The following CSGALNACT1 variants were observed in gnomAD, a reference collection of about 807,000 sequenced individuals.
The protein encoded by CSGALNACT1 is chondroitin sulfate N-acetylgalactosaminyltransferase 1.
A neutral mutation model predicts 51.0 loss-of-function variants in CSGALNACT1; 52 were observed. That is an observed-to-expected ratio of 1.02 (90% CI 0.82 to 1.29). The LOEUF is 1.29. CSGALNACT1 is among the 50% of genes most tolerant of loss of function. CSGALNACT1 has a pLI of 0.00. For missense variants in CSGALNACT1, 935 were observed against 679.2 expected, an observed-to-expected ratio of 1.38 and a Z score of -4.19; for synonymous variants, 341 against 254.4, an observed-to-expected ratio of 1.34 and a Z score of -3.24.
At chr8:19,595,321 C>G (rs994033397) in intron 2 of CSGALNACT1, among the ~76,000 whole-genome samples, 4 of 152,154 alleles carry the variant, frequency 2.6e-5, no homozygotes, top group African/African-American at 9.7e-5. Flanking sequence ...ATGACTGAGA[C>G]TTTCACCAGA....
At chr8:19,648,947 T>A (rs1486275130) in intron 1 of CSGALNACT1, among the ~76,000 whole-genome samples, 1 of 152,214 alleles carries the variant, frequency 6.6e-6, no homozygotes, top group Non-Finnish European at 1.5e-5. Context: ...CTCTACAGTG[T>A]TGAAGATCTC....
chr8:19,660,008 G>A (rs1453411611), intron 1 of CSGALNACT1, among the ~76,000 whole-genome samples: 1 of 152,188 alleles, frequency 6.6e-6, no homozygotes, highest in African/African-American at 2.4e-5. Context: ...AGAAGTACAA[G>A]GTAGTACTAT....
chr8:19,466,573 G>T lies in CSGALNACT1; in HGVS notation c.635-7931C>A, dbSNP rs1038285963. 5.9e-5 allele frequency among the ~76,000 whole-genome samples: 9 copies of T among 152,194 alleles called. No homozygotes were observed. In the East Asian group the frequency reaches 1.5e-3, roughly 26 times the overall value. The stretch of plus-strand genomic sequence containing the variant: ...GAAAATTCTGCTCAGATGGCATATC[G>T]CATTCCCAGATCACATGAGATAAAT... On this transcript the variant is annotated intron_variant, in intron 4 of 9. Transcript: ENST00000454498.
At chr8:19,662,388 A>T (rs1201443778) in intron 1 of CSGALNACT1, among the ~76,000 whole-genome samples, 1 of 152,180 alleles carries the variant, frequency 6.6e-6, no homozygotes, top group African/African-American at 2.4e-5. Flanking sequence ...CCTCTAAAAA[A>T]GAAAGAAAAA....
At position 19,410,554 on chromosome 8, in the gene CSGALNACT1, G is replaced by A. The variant is rs187300636; in HGVS notation, c.1228-1860C>T. 1.7e-3 allele frequency among the ~76,000 whole-genome samples: 266 copies of A among 152,196 alleles called. 1 individual carries two copies. The highest frequency in any genetic ancestry group is 5.0e-4 in the Non-Finnish European group (34 of 68,002). ...CATGGAATTTAAAAAGGAACGCTCC[G>A]AACAGGAAAAACAATTGGCCAAGCC... On this transcript the variant is annotated intron_variant, in intron 8 of 9. Coordinates refer to ENST00000454498, the Ensembl canonical transcript of CSGALNACT1.
At chr8:19,653,738 C>T (rs1564356190) in intron 1 of CSGALNACT1, among the ~76,000 whole-genome samples, 2 of 151,636 alleles carry the variant, frequency 1.3e-5, no homozygotes, top group Non-Finnish European at 1.5e-5. Flanking sequence ...AGGCTACAAT[C>T]GGTGAACCGT....
intron 3 of CSGALNACT1, among the ~76,000 whole-genome samples, chr8:19,550,359 C>T (rs2087685286): frequency 6.6e-6 from 1 of 152,100 alleles, no homozygotes; most frequent in African/African-American, 2.4e-5. Flanking sequence ...CCATGTTTTC[C>T]ATCTCTGTGC....
At chr8:19,413,881 G>A (rs552582985) in intron 8 of CSGALNACT1, among the ~76,000 whole-genome samples, 1 of 152,300 alleles carries the variant, frequency 6.6e-6, no homozygotes, top group African/African-American at 2.4e-5. Flanking sequence ...AGGCTGGCTT[G>A]GGTGACTATG....
chr8:19,550,115 T>C (rs554906211), intron 3 of CSGALNACT1, among the ~76,000 whole-genome samples: 1 of 152,330 alleles, frequency 6.6e-6, no homozygotes, highest in South Asian at 2.1e-4. Context: ...TTGTCTCTTC[T>C]GCATTTTCTT....
intron 1 of CSGALNACT1, among the ~76,000 whole-genome samples, chr8:19,644,885 C>T (rs1201291671): frequency 1.3e-5 from 2 of 152,022 alleles, no homozygotes; most frequent in Non-Finnish European, 1.5e-5. Context: ...TGAGGCATAT[C>T]CTATATCCAT....
At chr8:19,671,270 T>C (rs915558418) in intron 1 of CSGALNACT1, among the ~76,000 whole-genome samples, 1 of 152,194 alleles carries the variant, frequency 6.6e-6, no homozygotes, top group Non-Finnish European at 1.5e-5. Flanking sequence ...GACAATATTC[T>C]CTGCCTGCAA....
intron 4 of CSGALNACT1, among the ~76,000 whole-genome samples, chr8:19,485,975 A>C (rs750282999): frequency 6.6e-6 from 1 of 151,618 alleles, no homozygotes; most frequent in Non-Finnish European, 1.5e-5. Flanking sequence ...CATGTTGATC[A>C]TGCTGGTCTC....
chr8:19,448,491 G>T (rs572037767), intron 5 of CSGALNACT1, among the ~76,000 whole-genome samples: 1 of 152,096 alleles, frequency 6.6e-6, no homozygotes, highest in Non-Finnish European at 1.5e-5. Context: ...TAGTTTTTTG[G>T]AAGAAACAGA....
intron 3 of CSGALNACT1, among the ~76,000 whole-genome samples, chr8:19,560,341 C>G (rs1382313860): frequency 6.6e-6 from 1 of 152,132 alleles, no homozygotes; most frequent in Non-Finnish European, 1.5e-5. Flanking sequence ...GAAAGGACTT[C>G]TTTAAAAAGG....
At position 19,487,282 on chromosome 8, in the gene CSGALNACT1, A is replaced by G. The variant is rs546415533; in HGVS notation, c.634+17919T>C. The stretch of plus-strand genomic sequence containing the variant: ...TTTCACTCCCACCAACACCCAAATG[A>G]GAACATTTCACCTCCCAACAGCAGC... On this transcript the variant is annotated intron_variant, in intron 4 of 9. Transcript: ENST00000454498. Among the ~76,000 whole-genome samples the G allele has an allele frequency of 1.2e-4, 18 of 152,332 alleles. No individual in the cohort carries two copies. The East Asian group carries it at 3.5e-3, about 29-fold the overall frequency.
chr8:19,623,215 G>A (rs1167668950), intron 1 of CSGALNACT1, among the ~76,000 whole-genome samples: 2 of 152,136 alleles, frequency 1.3e-5, no homozygotes, highest in African/African-American at 2.4e-5. Flanking sequence ...GATTGATATA[G>A]CAATTCTAAA....
intron 1 of CSGALNACT1, among the ~76,000 whole-genome samples, chr8:19,619,076 T>G (rs1403459236): frequency 6.6e-6 from 1 of 151,792 alleles, no homozygotes; most frequent in African/African-American, 2.4e-5. Context: ...CTGCCATAAA[T>G]CAGAAGGCAG....
chr8:19,472,100 G>C (rs2068329540), intron 4 of CSGALNACT1, among the ~76,000 whole-genome samples: 1 of 152,202 alleles, frequency 6.6e-6, no homozygotes, highest in Non-Finnish European at 1.5e-5. Context: ...GGACTCAATG[G>C]AGTTTAAGAG....
intron 3 of CSGALNACT1, among the ~76,000 whole-genome samples, chr8:19,545,399 G>C (rs1242252571): frequency 1.3e-5 from 2 of 152,178 alleles, no homozygotes; most frequent in Non-Finnish European, 2.9e-5. Context: ...AAATTTTCCT[G>C]CAGACTTATC....
Sources: gnomAD v4.1 joint callset for allele counts (sites outside exome capture counted in the v4.1 genomes callset) on GRCh38, gnomAD v4.1.1 for gene constraint, MANE v1.5 for transcripts, NCBI Gene and HGNC (gene_info 2026-07-23, HGNC 2026-07-21) for gene names.